The following SIMC1 variants were observed in gnomAD, a reference collection of about 807,000 sequenced individuals.
SIMC1 encodes the protein SUMO interacting motifs containing 1.
Under a neutral mutation model 82.3 loss-of-function variants are expected in SIMC1, and 55 were observed. The ratio of observed to expected loss-of-function variants is 0.67; its 90% CI spans 0.54 to 0.84. The LOEUF (loss-of-function observed/expected upper bound fraction) is 0.84, where lower values mean the gene tolerates loss of function less well. Among genes scored for constraint, SIMC1 ranks in the 40% least tolerant of loss-of-function variants. The pLI, the probability that SIMC1 is intolerant of heterozygous loss-of-function variation, is 0.00. For missense variants in SIMC1, 915 were observed against 1,107.2 expected, an observed-to-expected ratio of 0.83 and a Z score of 2.46; for synonymous variants, 353 against 426.3, an observed-to-expected ratio of 0.83 and a Z score of 2.12.
rs561171811 is a variant in SIMC1 at position 176,283,442 on chromosome 5, A to G, written c.130-6212A>G. ...CCAAACGAAGCTTCATAAGCGAAGG[A>G]GAAATAAAATCCTTTACAGAGAAGC... On this transcript the variant is annotated intron_variant, in intron 1 of 9. Coordinates refer to ENST00000429602, the MANE Select transcript of SIMC1 (RefSeq NM_001308195.2). Among the ~76,000 whole-genome samples the G allele has an allele frequency of 4.6e-5, 7 of 152,370 alleles. 1 individual carries two copies. The South Asian group carries it at 1.4e-3, about 32-fold the overall frequency.
At chr5:176,298,730 G>C (rs1763922551) in intron 4 of SIMC1, among the ~76,000 whole-genome samples, 1 of 152,204 alleles carries the variant, frequency 6.6e-6, no homozygotes. Flanking sequence ...GTTTTTGTAT[G>C]CAACTGAAGT....
At chr5:176,324,603 A>G in intron 6 of SIMC1, 26 bp from the exon 7 acceptor site, 1 of 1,607,308 alleles carries the variant, frequency 6.2e-7, no homozygotes, top group Non-Finnish European at 8.5e-7. Context: ...CCTCACACTC[A>G]TCTGTGTCCT....
chr5:176,291,989 G>T (rs1763596464), intron 2 of SIMC1, among the ~76,000 whole-genome samples: 1 of 152,152 alleles, frequency 6.6e-6, no homozygotes, highest in East Asian at 1.9e-4. Flanking sequence ...CTGGGAGGCG[G>T]AGGTTGCAGT....
intron 7 of SIMC1, among the ~76,000 whole-genome samples, chr5:176,326,731 A>G (rs967063362): frequency 6.6e-6 from 1 of 151,832 alleles, no homozygotes; most frequent in Non-Finnish European, 1.5e-5. Flanking sequence ...TACCCAGCTA[A>G]TTTGTGTATT....
intron 6 of SIMC1, 96 bp downstream of exon 6, chr5:176,322,521 C>T (rs1344588027): frequency 8.0e-6 from 11 of 1,372,862 alleles, no homozygotes; most frequent in East Asian, 2.5e-5. Context: ...CCCAAATTAA[C>T]AAGATCTTAG....
chr5:176,286,359 C>A (rs1199019239), intron 1 of SIMC1, among the ~76,000 whole-genome samples: 1 of 152,262 alleles, frequency 6.6e-6, no homozygotes, highest in Non-Finnish European at 1.5e-5. Context: ...TGATCTTTGA[C>A]AAACCTGACA....
intron 1 of SIMC1, among the ~76,000 whole-genome samples, chr5:176,252,816 T>G (rs1227279719): frequency 6.6e-6 from 1 of 152,116 alleles, no homozygotes; most frequent in Non-Finnish European, 1.5e-5. Flanking sequence ...TGTAGCGAGC[T>G]GAGATCATGC....
At chr5:176,308,507 C>G in intron 4 of SIMC1, 2 of 1,605,798 alleles carry the variant, frequency 1.2e-6, no homozygotes, top group Non-Finnish European at 8.5e-7. Flanking sequence ...TGGATCAAGG[C>G]TTTGTAGGAC....
chr5:176,311,422 T>A (rs1764657507), intron 4 of SIMC1, among the ~76,000 whole-genome samples: 1 of 151,954 alleles, frequency 6.6e-6, no homozygotes, highest in African/African-American at 2.4e-5. Flanking sequence ...ATTTTTATTT[T>A]TGTAGAGATG....
At chr5:176,308,882 A>C in intron 4 of SIMC1, 1 of 1,331,840 alleles carries the variant, frequency 7.5e-7, no homozygotes, top group Non-Finnish European at 1.1e-6. Flanking sequence ...GAATCTGTGC[A>C]GTCAGATGTC....
At chr5:176,249,175 T>C (rs993318728) in intron 1 of SIMC1, among the ~76,000 whole-genome samples, 2 of 152,112 alleles carry the variant, frequency 1.3e-5, no homozygotes, top group African/African-American at 4.8e-5. Context: ...TCAGAAGGAA[T>C]GGTACCAGCT....
At chr5:176,313,206 G>A in intron 4 of SIMC1, 1 of 1,080,538 alleles carries the variant, frequency 9.3e-7, no homozygotes, top group Non-Finnish European at 1.2e-6. Flanking sequence ...GGACATCATG[G>A]CGGTTTGATC....
At chr5:176,292,885 C>T (rs926273246) in intron 2 of SIMC1, among the ~76,000 whole-genome samples, 22 of 152,278 alleles carry the variant, frequency 1.4e-4, no homozygotes, top group African/African-American at 5.3e-4. Flanking sequence ...CTTTCCTTCC[C>T]AGTTGCCTTT....
At chr5:176,335,785 G>A (rs1001452159) in intron 7 of SIMC1, among the ~76,000 whole-genome samples, 1 of 152,042 alleles carries the variant, frequency 6.6e-6, no homozygotes, top group East Asian at 1.9e-4. Context: ...GCTCACGCCT[G>A]TAATCCCAAC....
intron 1 of SIMC1, among the ~76,000 whole-genome samples, chr5:176,242,251 G>T (rs1401686468): frequency 6.6e-6 from 1 of 151,898 alleles, no homozygotes; most frequent in Admixed American, 6.6e-5. Context: ...ATTTTATGCA[G>T]TTGTGATACA....
At chr5:176,247,539 T>G (rs1044988695) in intron 1 of SIMC1, among the ~76,000 whole-genome samples, 3 of 152,088 alleles carry the variant, frequency 2.0e-5, no homozygotes, top group Admixed American at 6.6e-5. Flanking sequence ...TTACAAAGAT[T>G]TTCTCCCATT....
intron 1 of SIMC1, among the ~76,000 whole-genome samples, chr5:176,261,486 T>G (rs542598671): frequency 1.1e-4 from 17 of 152,266 alleles, no homozygotes; most frequent in African/African-American, 4.1e-4. Flanking sequence ...CTCACACCTG[T>G]ATTCCCAGCC....
At chr5:176,244,482 T>G (rs1263090625) in intron 1 of SIMC1, among the ~76,000 whole-genome samples, 1 of 150,974 alleles carries the variant, frequency 6.6e-6, no homozygotes. Flanking sequence ...TAAAATCATC[T>G]AGGTTGAGGT....
intron 4 of SIMC1, chr5:176,308,892 C>T: frequency 7.5e-7 from 1 of 1,325,778 alleles, no homozygotes; most frequent in East Asian, 2.3e-5. Flanking sequence ...AGTCAGATGT[C>T]AGCAGTCAGC....
Sources: allele counts gnomAD v4.1 joint callset (sites outside exome capture counted in the v4.1 genomes callset), GRCh38; gene constraint gnomAD v4.1.1; transcripts MANE v1.5; gene names NCBI Gene and HGNC (gene_info 2026-07-23, HGNC 2026-07-21).